The following ITPR2 variants were observed in gnomAD, a reference collection of about 807,000 sequenced individuals.
The protein encoded by ITPR2 is inositol 1,4,5-trisphosphate-gated calcium channel ITPR2.
In ITPR2, 207 loss-of-function variants were observed where a neutral mutation model predicts 317.1. That is an observed-to-expected ratio of 0.65 (90% CI 0.58 to 0.73). The LOEUF (loss-of-function observed/expected upper bound fraction) is 0.73. Ranked by LOEUF, ITPR2 falls within the 30% of genes least tolerant of loss-of-function variation. ITPR2 has a pLI of 0.00. For missense variants in ITPR2, 2,613 were observed against 3,284.0 expected, an observed-to-expected ratio of 0.80 and a Z score of 4.99; for synonymous variants, 1,156 against 1,149.1, an observed-to-expected ratio of 1.01 and a Z score of -0.12.
chr12:26,448,548 G>A lies in ITPR2; in HGVS notation c.6343-4898C>T, dbSNP rs563072565. ...TCATTATTGCAAATAGAAAAACTAG[G>A]CCTGAGATAATTTATTACATATCAT... On this transcript the variant is annotated intron_variant, in intron 45 of 56. Coordinates refer to ENST00000381340, the MANE Select transcript of ITPR2 (RefSeq NM_002223.4). Among the ~76,000 whole-genome samples, 4 of 152,198 alleles carry A rather than the reference G, an allele frequency of 2.6e-5. No homozygotes were observed. In the South Asian group the frequency reaches 8.3e-4, roughly 32 times the overall value.
chr12:26,750,583 C>G (rs1259683744), intron 2 of ITPR2, among the ~76,000 whole-genome samples: 1 of 152,126 alleles, frequency 6.6e-6, no homozygotes, highest in Non-Finnish European at 1.5e-5. Context: ...GTAAAAGAAC[C>G]ACCATAGTTG....
At chr12:26,578,682 A>T in intron 34 of ITPR2, 31 bp downstream of exon 34, 1 of 1,550,560 alleles carries the variant, frequency 6.4e-7, no homozygotes, top group Non-Finnish European at 8.8e-7. Context: ...CAAGAAATGT[A>T]AAAATAAGTA....
chr12:26,420,299 T>C (rs973485582), intron 49 of ITPR2, among the ~76,000 whole-genome samples: 3 of 152,214 alleles, frequency 2.0e-5, no homozygotes, highest in Non-Finnish European at 4.4e-5. Context: ...ACTGGAACCA[T>C]ATTTGTCCTT....
chr12:26,518,891 A>G (rs1943596185), intron 37 of ITPR2, among the ~76,000 whole-genome samples: 1 of 152,174 alleles, frequency 6.6e-6, no homozygotes, highest in African/African-American at 2.4e-5. Flanking sequence ...AAGATTTTCT[A>G]TGATCAACAA....
At chr12:26,410,211 T>A (rs1242935478) in intron 52 of ITPR2, among the ~76,000 whole-genome samples, 1 of 152,120 alleles carries the variant, frequency 6.6e-6, no homozygotes. Context: ...AGCACAATAA[T>A]GCTATACGAG....
intron 37 of ITPR2, among the ~76,000 whole-genome samples, chr12:26,549,116 A>G (rs1944460253): frequency 6.6e-6 from 1 of 152,230 alleles, no homozygotes; most frequent in South Asian, 2.1e-4. Flanking sequence ...ATTTTAAGAG[A>G]AAGACAACCA....
chr12:26,830,445 G>T (rs1332827642), intron 1 of ITPR2, among the ~76,000 whole-genome samples: 1 of 152,224 alleles, frequency 6.6e-6, no homozygotes, highest in Non-Finnish European at 1.5e-5. Context: ...AAGGTTTAAA[G>T]ATTATTATGT....
At chr12:26,479,071 T>A (rs1055600214) in intron 43 of ITPR2, among the ~76,000 whole-genome samples, 2 of 151,384 alleles carry the variant, frequency 1.3e-5, no homozygotes, top group African/African-American at 4.8e-5. Context: ...CTTACAAACA[T>A]TGTTCTTATA....
chr12:26,501,763 C>T (rs1182541481), intron 37 of ITPR2, among the ~76,000 whole-genome samples: 1 of 152,156 alleles, frequency 6.6e-6, no homozygotes, highest in Non-Finnish European at 1.5e-5. Context: ...ATTGTAAAGA[C>T]ATTTATTACA....
At chr12:26,819,079 A>G (rs1391855166) in intron 1 of ITPR2, among the ~76,000 whole-genome samples, 1 of 152,236 alleles carries the variant, frequency 6.6e-6, no homozygotes, top group Admixed American at 6.5e-5. Context: ...TATCTAGCAA[A>G]GAGCATTATA....
intron 1 of ITPR2, among the ~76,000 whole-genome samples, chr12:26,825,256 T>A (rs1275303290): frequency 6.6e-6 from 1 of 152,032 alleles, no homozygotes; most frequent in East Asian, 1.9e-4. Context: ...AAAATAAAAA[T>A]AAGTGAATGA....
intron 45 of ITPR2, among the ~76,000 whole-genome samples, chr12:26,444,011 T>C (rs1257056089): frequency 1.3e-5 from 2 of 152,190 alleles, no homozygotes; most frequent in African/African-American, 2.4e-5. Flanking sequence ...ACAATATAAA[T>C]GTGTGTTTTT....
intron 55 of ITPR2, among the ~76,000 whole-genome samples, chr12:26,359,010 T>C (rs1938733213): frequency 6.6e-6 from 1 of 152,260 alleles, no homozygotes; most frequent in South Asian, 2.1e-4. Context: ...TTTCTGCTCC[T>C]TCAACTTGCT....
In ITPR2 at chr12:26,716,227, T is replaced by G. The variant is rs1020261536; in HGVS notation, c.541A>C (p.Lys181Gln). ...SEGDNIVVGD[K>Q]VVLMPVNAGQ... Reference sequence around the variant, plus strand: ...GCATTCACAGGCATCAAAACAACTTTATCTCCTACAACAATCTAGGAAGCA... The same window carrying G: ...GCATTCACAGGCATCAAAACAACTTGATCTCCTACAACAATCTAGGAAGCA... Residue 181 changes from lysine to glutamine, a missense_variant, in exon 6 of 57, where the codon AAA (lysine) becomes CAA (glutamine). By Grantham distance (53) the Lys-to-Gln change is moderately conservative. Around this residue, in one of 9 missense-constraint regions of ITPR2, gnomAD observed 515 missense variants for 789.4 expected, o/e 0.65. Coordinates refer to ENST00000381340, the MANE Select transcript of ITPR2 (RefSeq NM_002223.4). 1 of 1,610,572 alleles carries G rather than the reference T, an allele frequency of 6.2e-7. No homozygotes were observed.
intron 37 of ITPR2, among the ~76,000 whole-genome samples, chr12:26,512,004 T>C (rs1189764688): frequency 1.3e-5 from 2 of 152,156 alleles, no homozygotes; most frequent in Non-Finnish European, 2.9e-5. Flanking sequence ...CTCTGCCTCA[T>C]CTACTCTTCA....
intron 45 of ITPR2, among the ~76,000 whole-genome samples, chr12:26,472,899 C>T (rs573321557): frequency 3.3e-5 from 5 of 150,052 alleles, no homozygotes; most frequent in Non-Finnish European, 4.4e-5. Context: ...TTTGTTTGTT[C>T]GTTTTGAGAC....
intron 39 of ITPR2, among the ~76,000 whole-genome samples, chr12:26,492,186 T>C (rs1942822753): frequency 6.6e-6 from 1 of 152,098 alleles, no homozygotes; most frequent in African/African-American, 2.4e-5. Context: ...AAAAAGTCAC[T>C]AGTGGCAAAT....
chr12:26,723,766 T>C (rs1948875139), intron 4 of ITPR2, among the ~76,000 whole-genome samples: 1 of 152,166 alleles, frequency 6.6e-6, no homozygotes. Flanking sequence ...AAGGAAGCTG[T>C]CAAGGCTATT....
rs1356115814 is a variant in ITPR2 at position 26,595,447 on chromosome 12, A to G, written c.4380+18T>C. 11 of 1,601,386 alleles carry G rather than the reference A, an allele frequency of 6.9e-6. No homozygotes were observed. In the South Asian group the frequency reaches 7.9e-5, roughly 12 times the overall value. Reference sequence around the variant, plus strand: ...GAAATATCTATTGACACCCTTCAGTAGTCAAAATCTAACTTACCCTTGCCA... The same window carrying G: ...GAAATATCTATTGACACCCTTCAGTGGTCAAAATCTAACTTACCCTTGCCA... On this transcript the variant is annotated intron_variant, in intron 32 of 56. Transcript: ENST00000381340.
Sources: gnomAD v4.1 joint callset for allele counts (sites outside exome capture counted in the v4.1 genomes callset) on GRCh38, gnomAD v4.1.1 for gene constraint, gnomAD v4.1.1 regional missense constraint, MANE v1.5 for transcripts, NCBI Gene and HGNC (gene_info 2026-07-23, HGNC 2026-07-21) for gene names.